ITGB3BP: variants seen among roughly 807,000 people sequenced by gnomAD.
The protein encoded by ITGB3BP is integrin subunit beta 3 binding protein.
A neutral mutation model predicts 29.1 loss-of-function variants in ITGB3BP; 27 were observed. The ratio of observed to expected loss-of-function variants is 0.93; its 90% CI spans 0.68 to 1.28. The LOEUF is 1.28. Ranked by LOEUF, ITGB3BP falls within the 50% of genes most tolerant of loss-of-function variation. The pLI is 0.00. For synonymous variants in ITGB3BP, 61 were observed against 61.4 expected, an observed-to-expected ratio of 0.99 and a Z score of 0.03; for missense variants, 192 against 200.2, an observed-to-expected ratio of 0.96 and a Z score of 0.25.
rs1282321071 is a variant in ITGB3BP, at chr1:63,444,449, TATATATATTACATATAGG to T, written c.*1+2339_*1+2356del. Among the ~76,000 whole-genome samples the T allele has an allele frequency of 8.0e-3, 86 of 10,812 alleles. No homozygotes were observed. In the African/African-American group the frequency reaches 0.084, roughly 11 times the overall value. The allele number at this position is 10,812 out of a possible 152,430, so 7.1% of individuals were successfully genotyped here. A position where few individuals can be genotyped will look rare whatever the true frequency, so the allele number is the denominator to read the frequency against. ...ATATATATAAGATATATATATCCTA[TATATATATTACATATAGG>T]ATATATATATTACATATAGGATATA... On this transcript the variant is annotated intron_variant, in intron 8 of 8. Coordinates refer to ENST00000271002, the MANE Select transcript of ITGB3BP (RefSeq NM_014288.5).
upstream of ITGB3BP, chr1:63,525,613 A>G (rs756881195): frequency 1.9e-6 from 3 of 1,576,694 alleles, no homozygotes; most frequent in South Asian, 3.6e-5. Context: ...TTCTCCAGTC[A>G]GAAATCAACA....
upstream of ITGB3BP, among the ~76,000 whole-genome samples, chr1:63,526,136 G>A (rs1254071400): frequency 6.6e-6 from 1 of 152,162 alleles, no homozygotes; most frequent in Non-Finnish European, 1.5e-5. Context: ...TGTAAAAATG[G>A]GTGGAATGTC....
At chr1:63,469,133 T>C (rs1645150985) in intron 4 of ITGB3BP, among the ~76,000 whole-genome samples, 1 of 151,744 alleles carries the variant, frequency 6.6e-6, no homozygotes, top group Admixed American at 6.6e-5. Flanking sequence ...TCTTCACCGT[T>C]GTTAGGGCAA....
chr1:63,522,936 G>A, intron 1 of ITGB3BP, 193 bp downstream of exon 1: 1 of 775,788 alleles, frequency 1.3e-6, no homozygotes, highest in Non-Finnish European at 2.4e-6. Flanking sequence ...AAGCGAAGGA[G>A]GACTATCGTA....
chr1:63,512,528 T>A (rs1202050925), intron 1 of ITGB3BP, among the ~76,000 whole-genome samples: 1 of 152,098 alleles, frequency 6.6e-6, no homozygotes, highest in Non-Finnish European at 1.5e-5. Context: ...AAATACAATT[T>A]TGAATAACAG....
chr1:63,468,045 T>C lies in ITGB3BP; in HGVS notation c.254+10719A>G, dbSNP rs377464103. Among the ~76,000 whole-genome samples the C allele has an allele frequency of 1.4e-3, 217 of 152,334 alleles. 1 individual carries two copies. The highest frequency in any genetic ancestry group is 5.1e-3 in the African/African-American group (213 of 41,574). Reference sequence around the variant, plus strand: ...AGAAGCCAGAAGACAAACAGGACCCTGCCTAATGCCTCTCTTCTCTCTGGC... The same window carrying C: ...AGAAGCCAGAAGACAAACAGGACCCCGCCTAATGCCTCTCTTCTCTCTGGC... On this transcript the variant is annotated intron_variant, in intron 4 of 8. Transcript: ENST00000271002.
chr1:63,513,507 G>A (rs544809535), intron 1 of ITGB3BP, among the ~76,000 whole-genome samples: 2 of 152,172 alleles, frequency 1.3e-5, no homozygotes, highest in Non-Finnish European at 2.9e-5. Flanking sequence ...ATGAGACCTA[G>A]CTCTTTTTAG....
chr1:63,512,769 G>T (rs1317788324), intron 1 of ITGB3BP, among the ~76,000 whole-genome samples: 2 of 152,078 alleles, frequency 1.3e-5, no homozygotes, highest in Admixed American at 1.3e-4. Flanking sequence ...CACTATAATA[G>T]AGATGATAAT....
chr1:63,486,059 A>G (rs1018532651), intron 3 of ITGB3BP, among the ~76,000 whole-genome samples: 2 of 152,024 alleles, frequency 1.3e-5, no homozygotes, highest in Non-Finnish European at 2.9e-5. Flanking sequence ...CCAATTTGGC[A>G]GATGTTGGAG....
At chr1:63,499,248 G>A (rs1003555728) in intron 2 of ITGB3BP, among the ~76,000 whole-genome samples, 1 of 145,898 alleles carries the variant, frequency 6.9e-6, no homozygotes, top group South Asian at 2.2e-4. Context: ...CGCAACCTCC[G>A]TATCCCGGGT....
At chr1:63,450,393 T>G (rs932969372) in intron 7 of ITGB3BP, among the ~76,000 whole-genome samples, 1 of 151,984 alleles carries the variant, frequency 6.6e-6, no homozygotes, top group Non-Finnish European at 1.5e-5. Flanking sequence ...TTTTGTTTAT[T>G]GGAAGTACTA....
chr1:63,502,919 G>C (rs1027572206), intron 2 of ITGB3BP, among the ~76,000 whole-genome samples: 8 of 152,078 alleles, frequency 5.3e-5, no homozygotes, highest in Non-Finnish European at 1.0e-4. Context: ...ATCGTTGTTG[G>C]ACATTTGGCT....
At chr1:63,447,607 A>T (rs1329546277) in intron 7 of ITGB3BP, 1 of 498,910 alleles carries the variant, frequency 2.0e-6, no homozygotes, top group South Asian at 1.5e-5. Context: ...GTGACATCTG[A>T]GGCTGACCTT....
In ITGB3BP at chr1:63,443,650, C is replaced by T. The variant is rs568783135; in HGVS notation, c.*2-2547G>A. 2.6e-5 allele frequency among the ~76,000 whole-genome samples: 4 copies of T among 152,184 alleles called. No individual in the cohort carries two copies. In the East Asian group the frequency reaches 7.7e-4, roughly 29 times the overall value. On this transcript the variant is annotated intron_variant, in intron 8 of 8. Transcript: ENST00000271002. ...GCTGTAGGGGAAAGGGACCAAAGTG[C>T]AGACAGGTAGGTTACAATAGGGACA...
chr1:63,470,827 C>T (rs1645183416), intron 4 of ITGB3BP, among the ~76,000 whole-genome samples: 1 of 151,954 alleles, frequency 6.6e-6, no homozygotes, highest in African/African-American at 2.4e-5. Context: ...TAGATGTTGC[C>T]AAACAGTTTC....
Position 63,523,190 on chromosome 1 carries a change from A to G in ITGB3BP, c.-57T>C, listed in dbSNP as rs938605923. 1 of 1,612,072 alleles carries G rather than the reference A, an allele frequency of 6.2e-7. No individual in the cohort carries two copies. Among genetic ancestry groups the G allele is most frequent in the Non-Finnish European group, 8.5e-7 (1 of 1,179,322 alleles). ...AATAAAACGAACCCAGCAACTTCCGAAAACAGAAAATCCGCCAAAGGAAAC... is the reference window on the plus strand; with the variant it reads ...AATAAAACGAACCCAGCAACTTCCGGAAACAGAAAATCCGCCAAAGGAAAC... On this transcript the variant is annotated 5_prime_UTR_variant, in exon 1 of 9. Coordinates refer to ENST00000271002, the MANE Select transcript of ITGB3BP (RefSeq NM_014288.5).
Position 63,508,520 on chromosome 1 carries a change from A to C in ITGB3BP, c.48+8T>G. 7.3e-7 allele frequency: 1 copy of C among 1,371,590 alleles called. No homozygotes were observed. Among genetic ancestry groups the C allele is most frequent in the Non-Finnish European group, 1.0e-6 (1 of 1,000,138 alleles). 85.0% of individuals were successfully genotyped at this position (1,371,590 alleles called of 1,614,324 possible). A position where few individuals can be genotyped will look rare whatever the true frequency, so the allele number is the denominator to read the frequency against. ...TATTCAATGACAAACTTTTAAGCAA[A>C]TACTTACATTTTCTTCTAACAGACC... is the stretch of plus-strand genomic sequence containing the variant. On this transcript the variant is annotated splice_region_variant and intron_variant, in intron 2 of 8. Transcript: ENST00000271002.
At chr1:63,455,092 A>AAT in intron 4 of ITGB3BP, 124 bp from the exon 5 acceptor site, 1 of 567,878 alleles carries the variant, frequency 1.8e-6, no homozygotes, top group South Asian at 2.4e-5. Context: ...TTACAAACAC[A>AAT]ATATATATTA....
At chr1:63,504,591 G>A (rs2100754150) in intron 2 of ITGB3BP, among the ~76,000 whole-genome samples, 1 of 152,254 alleles carries the variant, frequency 6.6e-6, no homozygotes, top group East Asian at 1.9e-4. Context: ...CCTTGTGCCA[G>A]TTTTCAAAGG....
Sources: gnomAD v4.1 joint callset for allele counts (sites outside exome capture counted in the v4.1 genomes callset) on GRCh38, gnomAD v4.1.1 for gene constraint, MANE v1.5 for transcripts, NCBI Gene and HGNC (gene_info 2026-07-23, HGNC 2026-07-21) for gene names.